The following CACNA2D3 variants were observed in gnomAD, a reference collection of about 807,000 sequenced individuals.
CACNA2D3 encodes the protein voltage-dependent calcium channel subunit alpha-2/delta-3.
In CACNA2D3, 60 loss-of-function variants were observed where a neutral mutation model predicts 160.6. That is an observed-to-expected ratio of 0.37 (90% CI 0.30 to 0.46). The LOEUF is 0.46. CACNA2D3 is among the 20% of genes least tolerant of loss of function. The probability of loss-of-function intolerance (pLI) is 1.00; values close to 1 mark genes in which losing one functional copy is unlikely to be tolerated. For synonymous variants in CACNA2D3, 558 were observed against 492.9 expected, an observed-to-expected ratio of 1.13 and a Z score of -1.75; for missense variants, 1,205 against 1,365.0, an observed-to-expected ratio of 0.88 and a Z score of 1.85.
chr3:54,352,447 C>T (rs1698581041), intron 3 of CACNA2D3, among the ~76,000 whole-genome samples: 1 of 152,202 alleles, frequency 6.6e-6, no homozygotes, highest in South Asian at 2.1e-4. Flanking sequence ...TGAACCTTAA[C>T]AGTTTGTTCT....
intron 35 of CACNA2D3, among the ~76,000 whole-genome samples, chr3:55,055,881 G>T (rs544700122): frequency 1.3e-5 from 2 of 152,142 alleles, no homozygotes; most frequent in Admixed American, 1.3e-4. Flanking sequence ...CTACACATTG[G>T]TCTGGGCAAT....
At chr3:55,072,033 A>T (rs1320417840) in intron 35 of CACNA2D3, among the ~76,000 whole-genome samples, 4 of 152,242 alleles carry the variant, frequency 2.6e-5, no homozygotes, top group Non-Finnish European at 5.9e-5. Flanking sequence ...ATTCTTGCAT[A>T]GGCAAGAAAG....
chr3:54,788,382 G>C (rs928325995), intron 13 of CACNA2D3, among the ~76,000 whole-genome samples: 1 of 152,138 alleles, frequency 6.6e-6, no homozygotes, highest in Admixed American at 6.6e-5. Flanking sequence ...GACTAAGTGT[G>C]GGGGAAGATC....
chr3:54,428,610 A>T (rs1053133113), intron 4 of CACNA2D3, among the ~76,000 whole-genome samples: 3 of 151,916 alleles, frequency 2.0e-5, no homozygotes, highest in African/African-American at 7.3e-5. Flanking sequence ...TTACTTTTAA[A>T]TATCTTCTTT....
intron 13 of CACNA2D3, among the ~76,000 whole-genome samples, chr3:54,803,004 C>G (rs969743729): frequency 6.6e-6 from 1 of 152,184 alleles, no homozygotes; most frequent in African/African-American, 2.4e-5. Context: ...AGGGTCCTGT[C>G]TGGTAGAAGG....
intron 29 of CACNA2D3, among the ~76,000 whole-genome samples, chr3:54,976,387 C>T (rs569814503): frequency 1.3e-5 from 2 of 151,466 alleles, no homozygotes; most frequent in Admixed American, 6.6e-5. Context: ...TGCTAGATGA[C>T]GAGTTAGTGG....
Position 54,122,735 on chromosome 3 carries a change from C to A in CACNA2D3, c.22C>A (p.Arg8Ser), listed in dbSNP as rs1250888897. The change falls in exon 1 of 38, where the codon CGC (arginine) becomes AGC (serine). Residue 8 changes from arginine to serine, a missense_variant. Coordinates refer to ENST00000474759, the MANE Select transcript of CACNA2D3 (RefSeq NM_018398.3). Reference protein sequence around the residue: MAGPGSPRRASRGASALL... With the variant: MAGPGSPSRASRGASALL... The stretch of plus-strand genomic sequence containing the variant: ...CAGCATGGCCGGGCCGGGCTCGCCG[C>A]GCCGCGCGTCCCGGGGGGCCTCGGC... 7.3e-5 allele frequency: 88 copies of A among 1,212,224 alleles called. No homozygotes were observed. The highest frequency in any genetic ancestry group is 8.8e-5 in the Admixed American group (2 of 22,792). The allele number at this position is 1,212,224 out of a possible 1,614,324, so 75.1% of individuals were successfully genotyped here.
intron 17 of CACNA2D3, among the ~76,000 whole-genome samples, chr3:54,864,084 G>A (rs1202383490): frequency 3.3e-5 from 5 of 152,148 alleles, no homozygotes; most frequent in Non-Finnish European, 7.3e-5. Flanking sequence ...AATCTGGGCT[G>A]TCAGGGAGTC....
At chr3:54,523,639 T>C (rs1020333321) in intron 5 of CACNA2D3, among the ~76,000 whole-genome samples, 1 of 152,138 alleles carries the variant, frequency 6.6e-6, no homozygotes, top group Non-Finnish European at 1.5e-5. Context: ...CCAGTGGCCC[T>C]GGCTTTTCTT....
intron 35 of CACNA2D3, among the ~76,000 whole-genome samples, chr3:55,020,302 GTATAA>G (rs1268068385): frequency 6.7e-6 from 1 of 149,344 alleles, no homozygotes; most frequent in Non-Finnish European, 1.5e-5. Context: ...GTTTTTATAT[GTATAA>G]TATATGTATT....
At chr3:54,919,930 C>A (rs887330580) in intron 27 of CACNA2D3, among the ~76,000 whole-genome samples, 2 of 152,174 alleles carry the variant, frequency 1.3e-5, no homozygotes, top group Admixed American at 6.5e-5. Flanking sequence ...ATCCTCCTCT[C>A]AGGAGCGTTG....
chr3:54,284,118 A>T (rs1008569361), intron 2 of CACNA2D3, among the ~76,000 whole-genome samples: 1 of 152,226 alleles, frequency 6.6e-6, no homozygotes, highest in African/African-American at 2.4e-5. Flanking sequence ...GTACTTACAT[A>T]TTAAAACCTT....
intron 2 of CACNA2D3, among the ~76,000 whole-genome samples, chr3:54,287,826 A>G (rs1703073126): frequency 6.7e-6 from 1 of 150,264 alleles, no homozygotes; most frequent in South Asian, 2.2e-4. Context: ...CTGAATGACT[A>G]CTGGGTACAG....
chr3:54,931,121 A>AT (rs1022032992), intron 27 of CACNA2D3, among the ~76,000 whole-genome samples: 9 of 152,184 alleles, frequency 5.9e-5, no homozygotes, highest in African/African-American at 1.7e-4. Context: ...ACAAAGTGGC[A>AT]TCTCTTACTA....
At chr3:54,642,576 T>C (rs1336119207) in intron 11 of CACNA2D3, among the ~76,000 whole-genome samples, 1 of 152,212 alleles carries the variant, frequency 6.6e-6, no homozygotes. Context: ...CCAGCATCTA[T>C]ACAATGGTGA....
intron 3 of CACNA2D3, among the ~76,000 whole-genome samples, chr3:54,346,517 A>G (rs1698460995): frequency 6.6e-6 from 1 of 152,202 alleles, no homozygotes; most frequent in African/African-American, 2.4e-5. Flanking sequence ...ATGTGGTCTT[A>G]AAAATTAATA....
At chr3:54,143,474 G>A (rs1180230353) in intron 2 of CACNA2D3, among the ~76,000 whole-genome samples, 1 of 152,066 alleles carries the variant, frequency 6.6e-6, no homozygotes, top group African/African-American at 2.4e-5. Flanking sequence ...CCATTATTCT[G>A]GCCTTGTCAT....
At chr3:54,629,749 T>C (rs1271371311) in intron 10 of CACNA2D3, among the ~76,000 whole-genome samples, 1 of 152,170 alleles carries the variant, frequency 6.6e-6, no homozygotes, top group Admixed American at 6.5e-5. Context: ...CAGGTGGTGA[T>C]ATTGAAAAGA....
chr3:55,059,784 A>AT lies in CACNA2D3; in HGVS notation c.2988-13659dup, dbSNP rs1559476611. 2.0e-5 allele frequency among the ~76,000 whole-genome samples: 3 copies of AT among 152,038 alleles called. No individual in the cohort carries two copies. The East Asian group carries it at 5.8e-4, about 30-fold the overall frequency. ...ATAGAGGTGGCACTCAGTGGGATGG[A>AT]TTGGGGGGTGGAAAGGGATGGAATG... On this transcript the variant is annotated intron_variant, in intron 35 of 37. Coordinates refer to ENST00000474759, the MANE Select transcript of CACNA2D3 (RefSeq NM_018398.3).
Sources: gnomAD v4.1 joint callset for allele counts (sites outside exome capture counted in the v4.1 genomes callset) on GRCh38, gnomAD v4.1.1 for gene constraint, MANE v1.5 for transcripts, NCBI Gene and HGNC (gene_info 2026-07-23, HGNC 2026-07-21) for gene names.